RBFOX1: variants seen among roughly 807,000 people sequenced by gnomAD.
The protein encoded by RBFOX1 is RNA binding protein fox-1 homolog 1.
A neutral mutation model predicts 57.7 loss-of-function variants in RBFOX1; 8 were observed. The observed-to-expected ratio is 0.14, with a 90% CI of 0.08 to 0.25. The LOEUF (loss-of-function observed/expected upper bound fraction) is 0.25, where lower values mean the gene tolerates loss of function less well. RBFOX1 is among the 10% of genes least tolerant of loss of function. The probability of loss-of-function intolerance (pLI) is 1.00; values close to 1 mark genes in which losing one functional copy is unlikely to be tolerated. For missense variants in RBFOX1, 611 were observed against 548.5 expected (o/e 1.11, Z -1.14); for synonymous variants, 326 against 222.4 (o/e 1.47, Z -4.15).
At position 6,780,377 on chromosome 16, in the gene RBFOX1, AT is replaced by A. The variant is rs1481822683; in HGVS notation, c.-16+125730del. ...TATTTATATACATATTTATAGATATATTTATACATATTATATATATTTTTAT... is the reference window on the plus strand; with the variant it reads ...TATTTATATACATATTTATAGATATATTATACATATTATATATATTTTTAT... On this transcript the variant is annotated intron_variant, in intron 3 of 15. Coordinates refer to ENST00000550418, the MANE Select transcript of RBFOX1 (RefSeq NM_018723.4). Among the ~76,000 whole-genome samples, 67 of 102,946 alleles carry A rather than the reference AT, an allele frequency of 6.5e-4. 3 individuals carry two copies. Among genetic ancestry groups the A allele is most frequent in the Admixed American group, 2.3e-3 (17 of 7,286 alleles). 67.5% of individuals were successfully genotyped at this position (102,946 alleles called of 152,430 possible).
intron 3 of RBFOX1, among the ~76,000 whole-genome samples, chr16:6,711,734 A>C (rs1338034209): frequency 6.6e-6 from 1 of 151,874 alleles, no homozygotes; most frequent in African/African-American, 2.4e-5. Flanking sequence ...GGACCGATAC[A>C]CTCCTCACTG....
chr16:6,817,200 A>T (rs1304294046), intron 3 of RBFOX1, among the ~76,000 whole-genome samples: 1 of 152,086 alleles, frequency 6.6e-6, no homozygotes, highest in Non-Finnish European at 1.5e-5. Context: ...TGTCCACTTG[A>T]TTAGGTGCAA....
chr16:6,574,054 C>A (rs1246149630), intron 2 of RBFOX1, among the ~76,000 whole-genome samples: 1 of 152,174 alleles, frequency 6.6e-6, no homozygotes, highest in East Asian at 1.9e-4. Context: ...CTCTGCCAAC[C>A]CTGTTCCCCT....
chr16:7,594,773 C>T (rs962514320), intron 7 of RBFOX1, among the ~76,000 whole-genome samples: 2 of 152,104 alleles, frequency 1.3e-5, no homozygotes, highest in African/African-American at 4.8e-5. Flanking sequence ...ATGGGTACAC[C>T]TTTCCCTTTC....
intron 3 of RBFOX1, among the ~76,000 whole-genome samples, chr16:6,850,844 C>T (rs1335121156): frequency 6.6e-6 from 1 of 152,180 alleles, no homozygotes; most frequent in Non-Finnish European, 1.5e-5. Context: ...GCATGCACCT[C>T]CCATATAATT....
intron 4 of RBFOX1, among the ~76,000 whole-genome samples, chr16:5,874,345 G>T (rs575699908): frequency 1.3e-5 from 2 of 152,326 alleles, no homozygotes; most frequent in South Asian, 4.1e-4. Context: ...TGGGTATATT[G>T]TAGTCTTGGA....
At chr16:5,438,679 A>C (rs1326450180) in intron 1 of RBFOX1, among the ~76,000 whole-genome samples, 1 of 152,090 alleles carries the variant, frequency 6.6e-6, no homozygotes, top group African/African-American at 2.4e-5. Flanking sequence ...ATGGGAAGCA[A>C]GGGTCACTCT....
At chr16:5,659,175 T>G (rs1282680460) in intron 3 of RBFOX1, among the ~76,000 whole-genome samples, 2 of 152,124 alleles carry the variant, frequency 1.3e-5, no homozygotes, top group East Asian at 3.8e-4. Flanking sequence ...ATCTACTGTT[T>G]TTTGATTTTT....
At position 5,707,749 on chromosome 16, in the gene RBFOX1, C is replaced by T. The variant is rs2051306896; in HGVS notation, c.318+108788C>T. 5.9e-5 allele frequency among the ~76,000 whole-genome samples: 9 copies of T among 152,116 alleles called. No individual in the cohort carries two copies. In the South Asian group the frequency reaches 1.9e-3, roughly 32 times the overall value. ...AATGATACTAATACCTTATTGGGTTCCTTGGGGATTAGGAAAACCTGTGTA... is the reference window on the plus strand; with the variant it reads ...AATGATACTAATACCTTATTGGGTTTCTTGGGGATTAGGAAAACCTGTGTA... On this transcript the variant is annotated intron_variant, in intron 3 of 19. Transcript: ENST00000641259.
intron 4 of RBFOX1, among the ~76,000 whole-genome samples, chr16:7,349,397 C>G (rs1259131549): frequency 1.3e-5 from 2 of 152,188 alleles, no homozygotes; most frequent in African/African-American, 4.8e-5. Flanking sequence ...TCCTAATTCC[C>G]CTAAGTCCTC....
At chr16:6,532,062 T>C (rs2096665423) in intron 2 of RBFOX1, among the ~76,000 whole-genome samples, 1 of 152,198 alleles carries the variant, frequency 6.6e-6, no homozygotes, top group African/African-American at 2.4e-5. Flanking sequence ...TCCGTCCATG[T>C]ATCATTCTGC....
At chr16:5,626,688 G>A (rs1171753648) in intron 3 of RBFOX1, among the ~76,000 whole-genome samples, 2 of 152,026 alleles carry the variant, frequency 1.3e-5, no homozygotes, top group Admixed American at 6.6e-5. Flanking sequence ...TAGACAACTG[G>A]TTATACTCCC....
chr16:6,677,406 G>T (rs1310644734), intron 3 of RBFOX1, among the ~76,000 whole-genome samples: 2 of 152,096 alleles, frequency 1.3e-5, no homozygotes, highest in African/African-American at 4.8e-5. Flanking sequence ...GAGACTGGAG[G>T]CCTATTTTAT....
Position 6,908,265 on chromosome 16 carries a change from T to A in RBFOX1, c.-15-143792T>A, listed in dbSNP as rs552009351. ...CTTCTCTCCTCCAGCCTTTCGGGTG[T>A]CCTCTCCTGCGGCTCTGGGCAGGCC... On this transcript the variant is annotated intron_variant, in intron 3 of 15. Transcript: ENST00000550418. Among the ~76,000 whole-genome samples the A allele has an allele frequency of 8.6e-5, 13 of 151,812 alleles. No individual in the cohort carries two copies. In the South Asian group the frequency reaches 2.7e-3, roughly 32 times the overall value.
intron 3 of RBFOX1, among the ~76,000 whole-genome samples, chr16:6,782,591 A>G (rs985033842): frequency 6.6e-6 from 1 of 152,090 alleles, no homozygotes; most frequent in Non-Finnish European, 1.5e-5. Flanking sequence ...GTCAGAAAAG[A>G]TACCTGCTAT....
At chr16:6,892,062 G>A (rs1421001142) in intron 3 of RBFOX1, among the ~76,000 whole-genome samples, 4 of 152,134 alleles carry the variant, frequency 2.6e-5, no homozygotes, top group Non-Finnish European at 5.9e-5. Flanking sequence ...AAGTTGCCAG[G>A]TGGATGACAT....
At chr16:5,994,133 A>G (rs2060452471) in intron 4 of RBFOX1, among the ~76,000 whole-genome samples, 1 of 152,050 alleles carries the variant, frequency 6.6e-6, no homozygotes, top group Admixed American at 6.6e-5. Context: ...TAATGGGTGT[A>G]TTGCTAACGC....
chr16:7,679,592 T>C (rs1332697817), intron 14 of RBFOX1, among the ~76,000 whole-genome samples: 2 of 152,182 alleles, frequency 1.3e-5, no homozygotes, highest in East Asian at 1.9e-4. Flanking sequence ...ATGTCCCCAG[T>C]TGGTAGGATT....
At chr16:6,025,349 G>C (rs767494343) in intron 1 of RBFOX1, among the ~76,000 whole-genome samples, 5 of 152,154 alleles carry the variant, frequency 3.3e-5, no homozygotes, top group Non-Finnish European at 7.4e-5. Flanking sequence ...TTTCATTCAA[G>C]AAGAGGGATT....
Sources: allele counts gnomAD v4.1 joint callset (sites outside exome capture counted in the v4.1 genomes callset), GRCh38; gene constraint gnomAD v4.1.1; transcripts MANE v1.5; gene names NCBI Gene and HGNC (gene_info 2026-07-23, HGNC 2026-07-21).